Variants in KNDC1 observed in about 807,000 individuals in gnomAD.
KNDC1 encodes kinase non-catalytic C-lobe domain containing 1, also known as kinase non-catalytic C-lobe domain-containing protein 1.
KNDC1 carries 106 observed loss-of-function variants against 172.8 expected under a neutral mutation model. The observed-to-expected ratio is 0.61, with a 90% CI of 0.52 to 0.72. The LOEUF is 0.72. Ranked by LOEUF, KNDC1 falls within the 30% of genes least tolerant of loss-of-function variation. KNDC1 has a pLI of 0.00. For synonymous variants in KNDC1, 1,083 were observed against 1,062.2 expected (o/e 1.02, Z -0.38); for missense variants, 2,325 against 2,394.5 (o/e 0.97, Z 0.61).
Position 133,211,691 on chromosome 10 carries a change from G to A in KNDC1, c.4069G>A (p.Asp1357Asn), listed in dbSNP as rs899964449. The change falls in exon 23 of 30, where the codon GAC becomes AAC. Residue 1357 changes from aspartate (D) to asparagine (N), a missense_variant. Transcript: ENST00000304613. The part of the protein sequence containing the change: ...DFISSKILPL[D>N]GSAKHLLGLL... ...TGCTTCTGCCTAGATCCTACCCCTGGACGGCTCTGCCAAGCACCTGCTGGG... is the reference window on the plus strand; with the variant it reads ...TGCTTCTGCCTAGATCCTACCCCTGAACGGCTCTGCCAAGCACCTGCTGGG... The A allele has an allele frequency of 6.3e-7, 1 of 1,599,328 alleles. No individual in the cohort carries two copies. Among genetic ancestry groups the A allele is most frequent in the Non-Finnish European group, 8.5e-7 (1 of 1,172,272 alleles).
At chr10:133,206,296 C>T (rs1225781145) in intron 17 of KNDC1, among the ~76,000 whole-genome samples, 2 of 152,290 alleles carry the variant, frequency 1.3e-5, no homozygotes, top group African/African-American at 4.8e-5. Context: ...CCACCCCCTG[C>T]CCCCAGCCCC....
chr10:133,194,760 C>T lies in KNDC1; in HGVS notation c.1576-903C>T, dbSNP rs575704373. 1.3e-3 allele frequency among the ~76,000 whole-genome samples: 191 copies of T among 152,282 alleles called. 2 individuals carry two copies. The highest frequency in any genetic ancestry group is 1.9e-3 in the Admixed American group (29 of 15,298). On this transcript the variant is annotated intron_variant, in intron 9 of 29. Coordinates refer to ENST00000304613, the MANE Select transcript of KNDC1 (RefSeq NM_152643.8). ...TACTTACACCAGGGAAAGCAGCAAA[C>T]GCTACAAATGTCTTGTTCTGTTGAC...
chr10:133,161,411 C>T (rs1209531001), intron 1 of KNDC1, among the ~76,000 whole-genome samples: 2 of 152,200 alleles, frequency 1.3e-5, no homozygotes, highest in South Asian at 2.1e-4. Flanking sequence ...GTTGTGGCGC[C>T]CTCTCTTTAA....
intron 17 of KNDC1, 150 bp from the exon 18 acceptor site, chr10:133,206,535 G>A (rs893776273): frequency 1.6e-5 from 11 of 708,888 alleles, no homozygotes; most frequent in African/African-American, 5.3e-5. Context: ...GGCTGGCCTC[G>A]CTGGCTGAGT....
At chr10:133,213,880 C>T (rs1050613599) in intron 25 of KNDC1, 92 bp from the exon 26 acceptor site, 40 of 1,545,398 alleles carry the variant, frequency 2.6e-5, no homozygotes, top group Middle Eastern at 1.7e-4. Context: ...CCTCGTGGCC[C>T]GACCCCAGCC....
In KNDC1 at chr10:133,206,779, G is replaced by T; in HGVS notation, c.3481+1G>T. On this transcript the variant is annotated splice_donor_variant, in intron 18 of 29. Coordinates refer to ENST00000304613, the MANE Select transcript of KNDC1 (RefSeq NM_152643.8). LOFTEE classifies it high-confidence loss of function. ...TTACAGAAGGAAAAGAGGAACAAAG[G>T]TAAGGCCCCTGTGGGCACAGGTCCG... 6.2e-7 allele frequency: 1 copy of T among 1,614,030 alleles called. No individual in the cohort carries two copies. Among genetic ancestry groups the T allele is most frequent in the Non-Finnish European group, 8.5e-7 (1 of 1,179,974 alleles).
At position 133,198,852 on chromosome 10, in the gene KNDC1, G is replaced by A; in HGVS notation, c.2344G>A (p.Val782Ile). ...CTCATCGGCAGCTCCCGGCTCTCCA[G>A]TCCCCGCCCCGCCCACGAAGGCATC... ...GASSAAPGSP[V>I]PAPPTKASAL... The change falls in exon 14 of 30, where the codon GTC becomes ATC. Residue 782 changes from valine to isoleucine, a missense_variant. Coordinates refer to ENST00000304613, the MANE Select transcript of KNDC1 (RefSeq NM_152643.8). 6.3e-7 allele frequency: 1 copy of A among 1,599,126 alleles called. No homozygotes were observed. Among genetic ancestry groups the A allele is most frequent in the African/African-American group, 1.3e-5 (1 of 74,796 alleles).
At chr10:133,168,136 A>C (rs1206795747) in intron 2 of KNDC1, 118 bp from the exon 3 acceptor site, 1 of 851,428 alleles carries the variant, frequency 1.2e-6, no homozygotes, top group African/African-American at 1.7e-5. Flanking sequence ...GTCTGGGGAC[A>C]CCAGGTCTGC....
At chr10:133,172,861 G>A (rs1250718288) in intron 3 of KNDC1, among the ~76,000 whole-genome samples, 2 of 152,132 alleles carry the variant, frequency 1.3e-5, no homozygotes, top group Non-Finnish European at 2.9e-5. Flanking sequence ...AAATTAGCCG[G>A]GCATGGTGGC....
At chr10:133,208,903 GGTGT>G (rs1276684877) in intron 20 of KNDC1, among the ~76,000 whole-genome samples, 10 of 152,270 alleles carry the variant, frequency 6.6e-5, no homozygotes, top group East Asian at 3.9e-4. Context: ...TGATGTGTGT[GGTGT>G]GTGTATGTGC....
chr10:133,198,286 C>T (rs1487173038), intron 12 of KNDC1, 51 bp from the exon 13 acceptor site: 10 of 1,488,986 alleles, frequency 6.7e-6, no homozygotes, highest in East Asian at 2.5e-5. Context: ...TGGTGCGGCA[C>T]GTGCTGGGGC....
At chr10:133,187,481 G>T (rs1853953078) in intron 6 of KNDC1, among the ~76,000 whole-genome samples, 1 of 152,276 alleles carries the variant, frequency 6.6e-6, no homozygotes, top group Non-Finnish European at 1.5e-5. Flanking sequence ...AAGTCCATCT[G>T]CCAGGCAGCG....
At chr10:133,206,435 G>A (rs1389271783) in intron 17 of KNDC1, among the ~76,000 whole-genome samples, 1 of 152,154 alleles carries the variant, frequency 6.6e-6, no homozygotes, top group Non-Finnish European at 1.5e-5. Flanking sequence ...TGTGGGTGAG[G>A]GGCGCAGGGA....
At chr10:133,165,014 G>T (rs543863587) in intron 1 of KNDC1, among the ~76,000 whole-genome samples, 65 of 152,326 alleles carry the variant, frequency 4.3e-4, no homozygotes, top group Non-Finnish European at 7.2e-4. Context: ...GTCCCAGAGG[G>T]CAGGTGACCC....
rs773918315 is a variant in KNDC1 at position 133,167,447 on chromosome 10, G to A, written c.169G>A (p.Ala57Thr). Residue 57 changes from alanine to threonine, a missense_variant, in exon 2 of 30, where the codon GCC becomes ACC. By Grantham distance (58) the Ala-to-Thr change is moderately conservative. Transcript: ENST00000304613. The stretch of plus-strand genomic sequence containing the variant: ...CGGCCTCAGCGAGCAGGAAGCCTGG[G>A]CCGTGTGCCTGGAGTGCAGCCTGTC... ...DRGLSEQEAW[A>T]VCLECSLSMR... is the part of the protein sequence containing the mutation. 5.0e-6 allele frequency: 8 copies of A among 1,606,244 alleles called. No individual in the cohort carries two copies. The highest frequency in any genetic ancestry group is 6.8e-6 in the Non-Finnish European group (8 of 1,177,580).
intron 11 of KNDC1, among the ~76,000 whole-genome samples, chr10:133,197,391 G>A (rs1050165377): frequency 3.9e-5 from 6 of 152,178 alleles, no homozygotes; most frequent in Non-Finnish European, 7.3e-5. Flanking sequence ...CACCCCGGGC[G>A]CAGAGAGCTT....
chr10:133,167,269 G>A lies in KNDC1; in HGVS notation c.103-112G>A, dbSNP rs1388600059. 49 of 991,814 alleles carry A rather than the reference G, an allele frequency of 4.9e-5. No individual in the cohort carries two copies. In the East Asian group the frequency reaches 1.1e-3, roughly 22 times the overall value. 61.4% of individuals were successfully genotyped at this position (991,814 alleles called of 1,614,324 possible). On this transcript the variant is annotated intron_variant, in intron 1 of 29. Transcript: ENST00000304613. ...GTCTAAAGCCCTTTCCCTGACCCAC[G>A]CGTTGAAACGCTGCCACGAGTCGTC...
rs1854325974 is a variant in KNDC1 at position 133,200,380 on chromosome 10, C to T, written c.2909C>T (p.Ala970Val). 1 of 1,591,022 alleles carries T rather than the reference C, an allele frequency of 6.3e-7. No homozygotes were observed. The highest frequency in any genetic ancestry group is 8.5e-7 in the Non-Finnish European group (1 of 1,169,836). Residue 970 changes from alanine to valine, a missense_variant, in exon 16 of 30, where the codon GCC becomes GTC. Physicochemically the swap from Ala to Val is moderately conservative, Grantham distance 64. Transcript: ENST00000304613. ...NGQASPSPST[A>V]EEAGSQLEGS... Reference sequence around the variant, plus strand: ...ACCTGCATTCTCGTCGTCAGCACGGCCGAGGAGGCTGGGTCACAGCTCGAG... The same window carrying T: ...ACCTGCATTCTCGTCGTCAGCACGGTCGAGGAGGCTGGGTCACAGCTCGAG...
At chr10:133,211,268 G>A (rs1381951627) in intron 21 of KNDC1, among the ~76,000 whole-genome samples, 154 bp from the exon 22 acceptor site, 1 of 151,160 alleles carries the variant, frequency 6.6e-6, no homozygotes, top group Admixed American at 6.6e-5. Flanking sequence ...TGCCTCGGGG[G>A]AGGGACCCAC....
Sources: allele counts gnomAD v4.1 joint callset (sites outside exome capture counted in the v4.1 genomes callset), GRCh38; gene constraint gnomAD v4.1.1; transcripts MANE v1.5; gene names NCBI Gene and HGNC (gene_info 2026-07-23, HGNC 2026-07-21).